KLHL13: variants seen among roughly 807,000 people sequenced by gnomAD.
KLHL13 encodes the protein kelch-like protein 13.
A neutral mutation model predicts 37.1 loss-of-function variants in KLHL13; 10 were observed. The ratio of observed to expected loss-of-function variants is 0.27; its 90% CI spans 0.17 to 0.46. The LOEUF (loss-of-function observed/expected upper bound fraction) is 0.46. Among genes scored for constraint, KLHL13 ranks in the 20% least tolerant of loss-of-function variants. The probability of loss-of-function intolerance (pLI) is 1.00; values close to 1 mark genes in which losing one functional copy is unlikely to be tolerated. For missense variants in KLHL13, 360 were observed against 509.3 expected, an observed-to-expected ratio of 0.71 and a Z score of 2.82; for synonymous variants, 163 against 181.2, an observed-to-expected ratio of 0.90 and a Z score of 0.81.
chrX:118,009,996 T>C (rs1012324329), intron 1 of KLHL13, among the ~76,000 whole-genome samples: 4 of 110,750 alleles, frequency 3.6e-5, no homozygotes, highest in East Asian at 5.7e-4. Flanking sequence ...AAAATGCTCA[T>C]CATCACTGGC....
At chrX:118,103,152 C>T (rs1569318366) in intron 1 of KLHL13, among the ~76,000 whole-genome samples, 1 of 111,671 alleles carries the variant, frequency 9.0e-6, no homozygotes, top group Admixed American at 9.6e-5. Flanking sequence ...TTTAACTCCA[C>T]GGCACCTGAC....
At chrX:118,086,300 A>G (rs1038433369) in intron 1 of KLHL13, among the ~76,000 whole-genome samples, 1 of 110,929 alleles carries the variant, frequency 9.0e-6, no homozygotes, top group African/African-American at 3.3e-5. Flanking sequence ...GGACTGATAG[A>G]CTGAATGGTA....
At chrX:117,938,555 TA>T (rs780557042) in intron 2 of KLHL13, among the ~76,000 whole-genome samples, 168 of 111,483 alleles carry the variant, frequency 1.5e-3, no homozygotes, top group Non-Finnish European at 2.6e-3. Flanking sequence ...TGACATGCAC[TA>T]AAATTTGAGA....
intron 1 of KLHL13, among the ~76,000 whole-genome samples, chrX:118,010,596 G>C (rs1182961047): frequency 4.7e-4 from 32 of 67,951 alleles, no homozygotes; most frequent in South Asian, 1.2e-3. Flanking sequence ...GTGGTGGGGT[G>C]GGGGGAGGGG....
intron 1 of KLHL13, 29 bp from the exon 2 acceptor site, chrX:118,028,526 T>C: frequency 2.9e-6 from 2 of 688,598 alleles, no homozygotes; most frequent in Non-Finnish European, 4.4e-6. Flanking sequence ...AGCCAATATT[T>C]ACTATGAAGA....
chrX:118,060,480 C>T (rs1406820834), intron 1 of KLHL13, among the ~76,000 whole-genome samples: 1 of 110,986 alleles, frequency 9.0e-6, no homozygotes, highest in Non-Finnish European at 1.9e-5. Flanking sequence ...GCAAAGTATA[C>T]CTAAAAATGG....
intron 1 of KLHL13, among the ~76,000 whole-genome samples, chrX:118,001,979 A>C (rs1450192458): frequency 2.7e-5 from 3 of 110,064 alleles, no homozygotes; most frequent in African/African-American, 9.9e-5. Flanking sequence ...ACAGTTTGTT[A>C]TATTAACAAA....
At chrX:118,078,418 T>A (rs965318106) in intron 1 of KLHL13, among the ~76,000 whole-genome samples, 2 of 111,312 alleles carry the variant, frequency 1.8e-5, no homozygotes, top group African/African-American at 6.5e-5. Context: ...ATCATCCACT[T>A]TTCACCCCCA....
chrX:118,022,890 C>CA (rs199723920), intron 1 of KLHL13, among the ~76,000 whole-genome samples: 5,923 of 111,219 alleles, frequency 0.053, 394 homozygotes, highest in African/African-American at 0.18. Flanking sequence ...GGGTGATATC[C>CA]AAAAAAATCA....
At chrX:118,049,089 T>C (rs1368230451) in intron 1 of KLHL13, among the ~76,000 whole-genome samples, 1 of 112,148 alleles carries the variant, frequency 8.9e-6, no homozygotes, top group Non-Finnish European at 1.9e-5. Flanking sequence ...GTCCAAAAAC[T>C]AATAGCTTTA....
chrX:118,050,647 A>G (rs953920134), intron 1 of KLHL13, among the ~76,000 whole-genome samples: 1 of 111,436 alleles, frequency 9.0e-6, no homozygotes, highest in African/African-American at 3.3e-5. Flanking sequence ...GAATTAAGAA[A>G]TTAAGGAATA....
intron 1 of KLHL13, among the ~76,000 whole-genome samples, chrX:118,012,129 C>G (rs901484057): frequency 1.2e-4 from 13 of 111,142 alleles, no homozygotes; most frequent in Admixed American, 1.2e-3. Context: ...TACTGTGTGC[C>G]CCTTTCTGAC....
intron 1 of KLHL13, among the ~76,000 whole-genome samples, chrX:118,101,569 C>G (rs770885881): frequency 1.8e-5 from 2 of 111,724 alleles, no homozygotes; most frequent in South Asian, 7.6e-4. Flanking sequence ...AGAAGAGGTG[C>G]TATCTAAACT....
At chrX:117,903,196 G>A (rs918606778) in intron 5 of KLHL13, among the ~76,000 whole-genome samples, 4 of 105,842 alleles carry the variant, frequency 3.8e-5, no homozygotes, top group Admixed American at 3.0e-4. Context: ...GAGAGAGAGA[G>A]AGAGAGAGAC....
chrX:117,914,875 A>G (rs969560252), intron 4 of KLHL13, among the ~76,000 whole-genome samples: 1 of 112,250 alleles, frequency 8.9e-6, no homozygotes, highest in Admixed American at 9.4e-5. Context: ...TTCTTCCCAG[A>G]CAGAGTCCCA....
At chrX:117,999,439 A>G (rs1173696559) in intron 1 of KLHL13, among the ~76,000 whole-genome samples, 1 of 110,956 alleles carries the variant, frequency 9.0e-6, no homozygotes, top group Non-Finnish European at 1.9e-5. Flanking sequence ...AAACTATCAC[A>G]AGGACATAAA....
At chrX:117,950,113 AC>A (rs950536616) in intron 1 of KLHL13, among the ~76,000 whole-genome samples, 1 of 112,649 alleles carries the variant, frequency 8.9e-6, no homozygotes, top group African/African-American at 3.2e-5. Flanking sequence ...TCATTTCATT[AC>A]CAAAAAAGGT....
At chrX:117,926,885 C>CT (rs10596292) in intron 2 of KLHL13, among the ~76,000 whole-genome samples, 1,071 of 26,115 alleles carry the variant, frequency 0.041, 380 homozygotes, top group Non-Finnish European at 0.072. Context: ...CCCCCTACTT[C>CT]TTTTTTTTTT....
intron 1 of KLHL13, among the ~76,000 whole-genome samples, chrX:118,100,161 T>A (rs1278084003): frequency 1.8e-5 from 2 of 111,792 alleles, no homozygotes; most frequent in Admixed American, 1.9e-4. Flanking sequence ...AAATACAGTA[T>A]AACATTTTCA....
Sources: allele counts gnomAD v4.1 joint callset (sites outside exome capture counted in the v4.1 genomes callset), GRCh38; gene constraint gnomAD v4.1.1; transcripts MANE v1.5; gene names NCBI Gene and HGNC (gene_info 2026-07-23, HGNC 2026-07-21).